The following PCNT variants were observed in gnomAD, a reference collection of about 807,000 sequenced individuals.
PCNT encodes the protein kendrin.
Under a neutral mutation model 380.4 loss-of-function variants are expected in PCNT, and 319 were observed. That is an observed-to-expected ratio of 0.84 (90% CI 0.77 to 0.92). The LOEUF is 0.92. PCNT is among the 40% of genes least tolerant of loss of function. The pLI, the probability that PCNT is intolerant of heterozygous loss-of-function variation, is 0.00. For synonymous variants in PCNT, 1,845 were observed against 1,735.2 expected (o/e 1.06, Z -1.57); for missense variants, 4,400 against 4,255.3 (o/e 1.03, Z -0.95).
chr21:46,416,700 G>A lies in PCNT; in HGVS notation c.6782G>A (p.Gly2261Glu), dbSNP rs747776467. The change falls in exon 30 of 47, where the codon GGG becomes GAG. Residue 2261 changes from glycine to glutamate, a missense_variant. Gly to Glu is a moderately conservative substitution (Grantham distance 98). Transcript: ENST00000359568. The stretch of plus-strand genomic sequence containing the variant: ...CTGTGCAGTGCCGACACATCCCTGG[G>A]GGACAGGGCGGACACCTCGCTGCCA... ...LSLCSADTSL[G>E]DRADTSLPQT... 1.5e-5 allele frequency: 24 copies of A among 1,568,398 alleles called. No homozygotes were observed. The East Asian group carries it at 2.2e-4, about 15-fold the overall frequency.
intron 2 of PCNT, among the ~76,000 whole-genome samples, chr21:46,333,172 A>G: frequency 6.6e-6 from 1 of 152,066 alleles, no homozygotes; most frequent in East Asian, 1.9e-4. Flanking sequence ...AGTGACTCAC[A>G]CCTGTAATCC....
intron 29 of PCNT, among the ~76,000 whole-genome samples, chr21:46,415,271 A>G (rs962983986): frequency 6.6e-6 from 1 of 151,060 alleles, no homozygotes; most frequent in Non-Finnish European, 1.5e-5. Context: ...TGTGCTTGTC[A>G]TGTGCTCTCG....
chr21:46,327,865 T>A (rs1288141575), intron 2 of PCNT, among the ~76,000 whole-genome samples: 2 of 152,202 alleles, frequency 1.3e-5, no homozygotes, highest in African/African-American at 4.8e-5. Context: ...CTTGAGGCCT[T>A]GTGAGCTGCA....
Position 46,430,021 on chromosome 21 carries a change from G to T in PCNT, c.7702G>T (p.Ala2568Ser), listed in dbSNP as rs1020899381. ...HQLRRQVELLAYKVEQEKCIA... is the reference protein window; with the variant it reads ...HQLRRQVELLSYKVEQEKCIA... ...TTTGTCTTTCTCAGTTGAACTGCTG[G>T]CTTATAAAGTAGAGCAGGAGAAGTG... The change falls in exon 36 of 47, where the codon GCT becomes TCT. Residue 2568 changes from alanine to serine, a missense_variant. Ala to Ser is a moderately conservative substitution (Grantham distance 99). Coordinates refer to ENST00000359568, the MANE Select transcript of PCNT (RefSeq NM_006031.6). 4 of 1,614,034 alleles carry T rather than the reference G, an allele frequency of 2.5e-6. No homozygotes were observed. In the African/African-American group the frequency reaches 5.3e-5, roughly 22 times the overall value.
chr21:46,414,150 C>G (rs1049393561), intron 29 of PCNT, among the ~76,000 whole-genome samples: 1 of 152,158 alleles, frequency 6.6e-6, no homozygotes, highest in African/African-American at 2.4e-5. Flanking sequence ...CGCCACCACA[C>G]CCAGCTGATT....
At chr21:46,352,854 C>G (rs58936150) in intron 9 of PCNT, among the ~76,000 whole-genome samples, 1 of 152,240 alleles carries the variant, frequency 6.6e-6, no homozygotes, top group African/African-American at 2.4e-5. Context: ...CTGTGCCCCC[C>G]ACATCCCTGC....
Position 46,427,765 on chromosome 21 carries a change from C to G in PCNT, c.7464C>G (p.Leu2488=), listed in dbSNP as rs572321857. 3 of 1,613,514 alleles carry G rather than the reference C, an allele frequency of 1.9e-6. No individual in the cohort carries two copies. The highest frequency in any genetic ancestry group is 2.5e-6 in the Non-Finnish European group (3 of 1,180,020). The change falls in exon 34 of 47, where the codon CTC becomes CTG. Residue 2488 remains leucine, a synonymous_variant. Transcript: ENST00000359568. ...ATCTGGGGGGTCACAGCTCCCTGCT[C>G]GAAAGGCTGGAGAAGATCATCCGTG... ...GSDLGGHSSL[L]ERLEKIIREQ... is the part of the protein sequence containing the mutation.
chr21:46,408,726 T>G (rs2086692252), intron 27 of PCNT, among the ~76,000 whole-genome samples: 1 of 149,906 alleles, frequency 6.7e-6, no homozygotes, highest in Non-Finnish European at 1.5e-5. Flanking sequence ...AAAGTTTTTT[T>G]TTTTTTTTTT....
At chr21:46,400,216 ATTGCTGGTGT>A (rs1046443595) in intron 25 of PCNT, among the ~76,000 whole-genome samples, 4 of 152,076 alleles carry the variant, frequency 2.6e-5, no homozygotes, top group Non-Finnish European at 4.4e-5. Context: ...ATGGTTTTGC[ATTGCTGGTGT>A]TTGCCGTGTT....
intron 1 of PCNT, chr21:46,324,917 C>G (rs1457345878): frequency 1.2e-5 from 12 of 985,356 alleles, no homozygotes; most frequent in African/African-American, 1.7e-5. Flanking sequence ...GTGAAAGGCC[C>G]CCGCGGCGCT....
intron 41 of PCNT, among the ~76,000 whole-genome samples, chr21:46,439,191 G>A (rs1434471744): frequency 6.6e-6 from 1 of 152,028 alleles, no homozygotes; most frequent in Admixed American, 6.6e-5. Flanking sequence ...ACCTTCATAA[G>A]TAACCACCAT....
rs146486696 is a variant in PCNT at position 46,428,428 on chromosome 21, C to G, written c.7528C>G (p.Arg2510Gly). The stretch of plus-strand genomic sequence containing the variant: ...GCAGGAAAAGTCCCTGGAGCATCTT[C>G]GCTTGCCGGACCGGAGCAGCCTGCT... The part of the protein sequence containing the change: ...DLQEKSLEHL[R>G]LPDRSSLLSE... The change falls in exon 35 of 47, where the codon CGC (arginine) becomes GGC (glycine). Residue 2510 changes from arginine (R) to glycine (G), a missense_variant. Transcript: ENST00000359568. The G allele has an allele frequency of 6.2e-7, 1 of 1,612,544 alleles. No individual in the cohort carries two copies. The highest frequency in any genetic ancestry group is 1.3e-5 in the African/African-American group (1 of 75,060).
intron 14 of PCNT, among the ~76,000 whole-genome samples, chr21:46,366,144 G>A (rs900298164): frequency 3.3e-5 from 5 of 152,148 alleles, no homozygotes; most frequent in African/African-American, 1.2e-4. Context: ...CTCAGGCCTC[G>A]CCCTCCCCAT....
chr21:46,326,524 G>C lies in PCNT; in HGVS notation c.202G>C (p.Asp68His), dbSNP rs1216804302. The C allele has an allele frequency of 6.2e-7, 1 of 1,614,184 alleles. No individual in the cohort carries two copies. The highest frequency in any genetic ancestry group is 8.5e-7 in the Non-Finnish European group (1 of 1,180,034). Reference sequence around the variant, plus strand: ...GGACAGCGCACTCTGTGGAGGAGGGGACATTTGCAAAAGCACATCATGTGA... The same window carrying C: ...GGACAGCGCACTCTGTGGAGGAGGGCACATTTGCAAAAGCACATCATGTGA... ...KEDSALCGGGDICKSTSCDDT... is the reference protein window; with the variant it reads ...KEDSALCGGGHICKSTSCDDT... Residue 68 changes from aspartate to histidine, a missense_variant, in exon 2 of 47, where the codon GAC (aspartate) becomes CAC (histidine). By Grantham distance (81) the Asp-to-His change is moderately conservative (BLOSUM62 -1). Coordinates refer to ENST00000359568, the MANE Select transcript of PCNT (RefSeq NM_006031.6).
At chr21:46,375,239 T>G (rs923713787) in intron 15 of PCNT, among the ~76,000 whole-genome samples, 1 of 152,174 alleles carries the variant, frequency 6.6e-6, no homozygotes, top group East Asian at 1.9e-4. Context: ...CGGTGTGGGA[T>G]GCTCAAGGCG....
intron 38 of PCNT, among the ~76,000 whole-genome samples, chr21:46,432,711 G>A (rs2087820719): frequency 6.6e-6 from 1 of 152,118 alleles, no homozygotes; most frequent in African/African-American, 2.4e-5. Context: ...TGCAGTCGCC[G>A]CCTCCTGGGT....
At chr21:46,356,709 C>A (rs779311424) in intron 12 of PCNT, among the ~76,000 whole-genome samples, 1 of 152,202 alleles carries the variant, frequency 6.6e-6, no homozygotes. Context: ...GTAGCCTGGG[C>A]GGGTCGTGTG....
At chr21:46,324,340 C>T (rs539382392) in intron 1 of PCNT, 58 bp downstream of exon 1, 2 of 1,383,400 alleles carry the variant, frequency 1.4e-6, no homozygotes, top group South Asian at 1.2e-5. Flanking sequence ...AGGGCGGCTC[C>T]GGTGCCCGCC....
At chr21:46,438,016 T>C in intron 40 of PCNT, 148 bp from the exon 41 acceptor site, 1 of 704,762 alleles carries the variant, frequency 1.4e-6, no homozygotes, top group Non-Finnish European at 2.5e-6. Flanking sequence ...TCAATGACTT[T>C]TACAATTTTC....
Sources: allele counts gnomAD v4.1 joint callset (sites outside exome capture counted in the v4.1 genomes callset), GRCh38; gene constraint gnomAD v4.1.1; transcripts MANE v1.5; gene names NCBI Gene and HGNC (gene_info 2026-07-23, HGNC 2026-07-21).